Variants in SH3RF1 observed in about 807,000 individuals in gnomAD.
SH3RF1 encodes E3 ubiquitin-protein ligase SH3RF1.
Under a neutral mutation model 74.0 loss-of-function variants are expected in SH3RF1, and 32 were observed. The ratio of observed to expected loss-of-function variants is 0.43; its 90% CI spans 0.33 to 0.58. The LOEUF (loss-of-function observed/expected upper bound fraction) is 0.58, where lower values mean the gene tolerates loss of function less well. SH3RF1 is among the 20% of genes least tolerant of loss of function. The pLI, the probability that SH3RF1 is intolerant of heterozygous loss-of-function variation, is 0.05. For missense variants in SH3RF1, 954 were observed against 1,130.9 expected (o/e 0.84, Z 2.24); for synonymous variants, 396 against 439.6 (o/e 0.90, Z 1.24).
chr4:169,166,999 T>G (rs1734256233), intron 2 of SH3RF1: 1 of 217,432 alleles, frequency 4.6e-6, no homozygotes, highest in Non-Finnish European at 9.0e-6. Context: ...GCAAGGTTGA[T>G]CAGAAAGCTG....
At chr4:169,117,498 T>C (rs779304845) in intron 9 of SH3RF1, 25 bp downstream of exon 9, 82 of 1,609,426 alleles carry the variant, frequency 5.1e-5, no homozygotes, top group Non-Finnish European at 6.3e-5. Flanking sequence ...TATCCTGATA[T>C]GTTCTGGCCT....
Position 169,145,867 on chromosome 4 carries a change from G to A in SH3RF1, c.766-9247C>T, listed in dbSNP as rs193180592. 1.5e-3 allele frequency among the ~76,000 whole-genome samples: 121 copies of A among 80,802 alleles called. 6 individuals carry two copies. The highest frequency in any genetic ancestry group is 5.1e-3 in the African/African-American group (94 of 18,592). 53.0% of individuals were successfully genotyped at this position (80,802 alleles called of 152,430 possible). A position where few individuals can be genotyped will look rare whatever the true frequency, so the allele number is the denominator to read the frequency against. ...CTATATATTATTCTATATAAAATAT[G>A]TATTCTATATATTATTCTATATAAA... On this transcript the variant is annotated intron_variant, in intron 4 of 11. Coordinates refer to ENST00000284637, the MANE Select transcript of SH3RF1 (RefSeq NM_020870.4).
chr4:169,160,444 G>A (rs973786456), intron 2 of SH3RF1, among the ~76,000 whole-genome samples: 1 of 152,190 alleles, frequency 6.6e-6, no homozygotes, highest in African/African-American at 2.4e-5. Context: ...TGATAACAGT[G>A]ATATACATTA....
intron 2 of SH3RF1, among the ~76,000 whole-genome samples, chr4:169,235,216 A>C (rs1206773894): frequency 6.6e-6 from 1 of 152,226 alleles, no homozygotes; most frequent in African/African-American, 2.4e-5. Context: ...ACTAAACAGT[A>C]CCCAAGTATC....
intron 10 of SH3RF1, among the ~76,000 whole-genome samples, chr4:169,115,061 G>T (rs1184112479): frequency 6.6e-6 from 1 of 151,804 alleles, no homozygotes; most frequent in East Asian, 1.9e-4. Flanking sequence ...AATTTCTCTT[G>T]CCTCCAATCA....
At chr4:169,171,887 G>T (rs1304923945) in intron 2 of SH3RF1, among the ~76,000 whole-genome samples, 2 of 152,094 alleles carry the variant, frequency 1.3e-5, no homozygotes, top group East Asian at 3.8e-4. Context: ...GGTGGGGCAG[G>T]GTCTGGTGAA....
At chr4:169,126,871 A>G (rs1733533778) in intron 6 of SH3RF1, among the ~76,000 whole-genome samples, 1 of 152,224 alleles carries the variant, frequency 6.6e-6, no homozygotes, top group Non-Finnish European at 1.5e-5. Context: ...GATTATAGGC[A>G]TGGGCCATCA....
chr4:169,131,164 T>G (rs976738438), intron 5 of SH3RF1, among the ~76,000 whole-genome samples: 1 of 152,164 alleles, frequency 6.6e-6, no homozygotes, highest in African/African-American at 2.4e-5. Flanking sequence ...CCCACTGGGG[T>G]AGGCCCGACC....
intron 4 of SH3RF1, among the ~76,000 whole-genome samples, chr4:169,151,066 G>A (rs1362738450): frequency 6.6e-6 from 1 of 152,128 alleles, no homozygotes; most frequent in Non-Finnish European, 1.5e-5. Flanking sequence ...GTAGAAGTTG[G>A]CAAAATCTAC....
At chr4:169,125,493 T>A (rs1024544466) in intron 6 of SH3RF1, among the ~76,000 whole-genome samples, 10 of 152,146 alleles carry the variant, frequency 6.6e-5, no homozygotes, top group African/African-American at 2.2e-4. Context: ...GTCCAGTACG[T>A]CTCAAACTTG....
intron 2 of SH3RF1, among the ~76,000 whole-genome samples, chr4:169,194,478 T>C (rs1734778033): frequency 6.6e-6 from 1 of 152,242 alleles, no homozygotes; most frequent in African/African-American, 2.4e-5. Context: ...GCAGGCTGTA[T>C]TCTTTTGTGT....
chr4:169,132,617 C>T (rs897771891), intron 5 of SH3RF1, among the ~76,000 whole-genome samples: 2 of 151,990 alleles, frequency 1.3e-5, no homozygotes, highest in African/African-American at 4.8e-5. Flanking sequence ...GCTGGGCTTA[C>T]CCTTTTCTCA....
At chr4:169,144,145 G>A (rs1733832079) in intron 4 of SH3RF1, among the ~76,000 whole-genome samples, 2 of 152,190 alleles carry the variant, frequency 1.3e-5, no homozygotes, top group East Asian at 3.9e-4. Context: ...ATGGGCATGG[G>A]TTAAAGTGCT....
chr4:169,107,475 T>C (rs1180288909), intron 10 of SH3RF1, among the ~76,000 whole-genome samples: 1 of 152,208 alleles, frequency 6.6e-6, no homozygotes, highest in African/African-American at 2.4e-5. Context: ...CTTTCTGCTA[T>C]ATATTTTTTT....
At chr4:169,218,426 A>T (rs1730503541) in intron 2 of SH3RF1, among the ~76,000 whole-genome samples, 1 of 143,550 alleles carries the variant, frequency 7.0e-6, no homozygotes, top group Non-Finnish European at 1.5e-5. Flanking sequence ...AATATATATT[A>T]TAGAATATAG....
intron 2 of SH3RF1, among the ~76,000 whole-genome samples, chr4:169,230,855 CAAAAA>C (rs35156191): frequency 1.7e-4 from 21 of 122,118 alleles, no homozygotes; most frequent in Non-Finnish European, 2.5e-4. Flanking sequence ...GAAACCACCT[CAAAAA>C]AAAAAAAAAA....
chr4:169,098,486 C>T (rs1561022884), intron 11 of SH3RF1, among the ~76,000 whole-genome samples: 1 of 152,160 alleles, frequency 6.6e-6, no homozygotes, highest in Non-Finnish European at 1.5e-5. Context: ...CAGCAAGAGT[C>T]CCAGACTATT....
chr4:169,266,891 T>TC (rs1461430552), intron 2 of SH3RF1, among the ~76,000 whole-genome samples: 2 of 152,130 alleles, frequency 1.3e-5, no homozygotes, highest in Non-Finnish European at 2.9e-5. Flanking sequence ...TCCTCCATCC[T>TC]CCCCCAGCAA....
At chr4:169,208,233 T>C (rs1010441297) in intron 2 of SH3RF1, among the ~76,000 whole-genome samples, 44 of 150,990 alleles carry the variant, frequency 2.9e-4, no homozygotes, top group African/African-American at 1.0e-3. Flanking sequence ...CCCCAAGTAA[T>C]AGCCGTTTCT....
Sources: allele counts gnomAD v4.1 joint callset (sites outside exome capture counted in the v4.1 genomes callset), GRCh38; gene constraint gnomAD v4.1.1; transcripts MANE v1.5; gene names NCBI Gene and HGNC (gene_info 2026-07-23, HGNC 2026-07-21).